DAB1: variants seen among roughly 807,000 people sequenced by gnomAD.
DAB1 encodes DAB adaptor protein 1.
A neutral mutation model predicts 64.6 loss-of-function variants in DAB1; 15 were observed. The observed-to-expected ratio is 0.23, with a 90% CI of 0.16 to 0.36. The LOEUF is 0.36. DAB1 is among the 10% of genes least tolerant of loss of function. The probability of loss-of-function intolerance (pLI) is 1.00; values close to 1 mark genes in which losing one functional copy is unlikely to be tolerated. For synonymous variants in DAB1, 235 were observed against 251.9 expected, an observed-to-expected ratio of 0.93 and a Z score of 0.64; for missense variants, 596 against 706.7, an observed-to-expected ratio of 0.84 and a Z score of 1.78.
intron 4 of DAB1, among the ~76,000 whole-genome samples, chr1:58,230,237 C>T (rs1373874358): frequency 6.6e-6 from 1 of 152,216 alleles, no homozygotes; most frequent in African/African-American, 2.4e-5. Flanking sequence ...TCCAATCCAT[C>T]CTCCTAAAGG....
chr1:57,048,176 G>C (rs987141653), intron 9 of DAB1, among the ~76,000 whole-genome samples: 1 of 152,146 alleles, frequency 6.6e-6, no homozygotes, highest in African/African-American at 2.4e-5. Flanking sequence ...GTAAGTAAGG[G>C]ATAAAAATTT....
chr1:57,756,649 G>A (rs910493181), intron 6 of DAB1, among the ~76,000 whole-genome samples: 2 of 151,734 alleles, frequency 1.3e-5, no homozygotes, highest in African/African-American at 4.8e-5. Flanking sequence ...GTCCAGTTAT[G>A]AGGCCACTTC....
At chr1:57,687,610 A>G (rs1054948270) in intron 6 of DAB1, among the ~76,000 whole-genome samples, 1 of 149,248 alleles carries the variant, frequency 6.7e-6, no homozygotes, top group South Asian at 2.1e-4. Context: ...AAAAAAAAAA[A>G]AAAAAAAAAG....
At position 58,124,609 on chromosome 1, in the gene DAB1, A is replaced by G. The variant is rs183653342; in HGVS notation, n.387+25902T>C. 2.6e-5 allele frequency among the ~76,000 whole-genome samples: 4 copies of G among 152,324 alleles called. No homozygotes were observed. The East Asian group carries it at 5.8e-4, about 22-fold the overall frequency. ...TGAAGGCCATCAGAGAAATGATTAA[A>G]TACTAGGATACATGATTTCTCTTAG... On this transcript the variant is annotated intron_variant and non_coding_transcript_variant, in intron 5 of 20. Transcript: ENST00000485760.
intron 7 of DAB1, among the ~76,000 whole-genome samples, chr1:57,512,357 G>C (rs1644415486): frequency 6.6e-6 from 1 of 152,180 alleles, no homozygotes; most frequent in Non-Finnish European, 1.5e-5. Flanking sequence ...CCACCAGTTT[G>C]TCTGAACACT....
At chr1:57,120,549 T>C (rs956856716) in intron 4 of DAB1, among the ~76,000 whole-genome samples, 3 of 152,172 alleles carry the variant, frequency 2.0e-5, no homozygotes, top group Non-Finnish European at 4.4e-5. Flanking sequence ...ATCACCACCA[T>C]CCATCCATTA....
chr1:57,810,333 G>A (rs1023383077), intron 6 of DAB1, among the ~76,000 whole-genome samples: 3 of 152,184 alleles, frequency 2.0e-5, no homozygotes, highest in Non-Finnish European at 4.4e-5. Flanking sequence ...GATGGAGGGA[G>A]AGAAGAGGAA....
chr1:57,207,466 T>C (rs113305171), intron 2 of DAB1, among the ~76,000 whole-genome samples: 2,565 of 116,796 alleles, frequency 0.022, 42 homozygotes, highest in Admixed American at 0.038. Context: ...TTTTTTGAGA[T>C]GGAGTCTCGC....
chr1:57,570,670 T>C (rs1382850447), intron 7 of DAB1, among the ~76,000 whole-genome samples: 1 of 152,144 alleles, frequency 6.6e-6, no homozygotes, highest in East Asian at 1.9e-4. Context: ...CTTTTTTAAT[T>C]CCATATGAAT....
chr1:58,392,349 C>A (rs925058397), intron 3 of DAB1, among the ~76,000 whole-genome samples: 9 of 152,182 alleles, frequency 5.9e-5, no homozygotes, highest in Non-Finnish European at 1.3e-4. Flanking sequence ...CTCTTTTGGT[C>A]TATCCTAACT....
chr1:57,732,686 G>A (rs546423898), intron 6 of DAB1, among the ~76,000 whole-genome samples: 21 of 152,286 alleles, frequency 1.4e-4, no homozygotes, highest in African/African-American at 5.1e-4. Context: ...TAGTGAGGAA[G>A]ACTTGTGAGA....
At chr1:57,168,951 G>A (rs1386691867) in intron 2 of DAB1, among the ~76,000 whole-genome samples, 1 of 152,166 alleles carries the variant, frequency 6.6e-6, no homozygotes, top group Non-Finnish European at 1.5e-5. Context: ...AGCTACTTAG[G>A]AGGCTGAGGC....
At chr1:57,121,571 A>G (rs1656668456) in intron 4 of DAB1, among the ~76,000 whole-genome samples, 1 of 152,088 alleles carries the variant, frequency 6.6e-6, no homozygotes, top group Non-Finnish European at 1.5e-5. Flanking sequence ...AAAAAGAAAA[A>G]GAAAAAAGAA....
intron 7 of DAB1, among the ~76,000 whole-genome samples, chr1:57,465,167 G>A (rs1176732550): frequency 2.0e-5 from 3 of 152,266 alleles, no homozygotes; most frequent in East Asian, 3.9e-4. Flanking sequence ...GGTTTTACAA[G>A]CAGATTAAAT....
At chr1:58,096,544 A>C (rs1650993458) in intron 5 of DAB1, among the ~76,000 whole-genome samples, 1 of 152,236 alleles carries the variant, frequency 6.6e-6, no homozygotes, top group South Asian at 2.1e-4. Context: ...AAAAGTAGTC[A>C]TTAAGACAAT....
intron 2 of DAB1, among the ~76,000 whole-genome samples, chr1:57,176,972 TA>T (rs11333170): frequency 0.072 from 5,313 of 73,870 alleles, 251 homozygotes; most frequent in Admixed American, 0.21. Flanking sequence ...GCAGCAGATA[TA>T]AAAAAAAAAA....
intron 5 of DAB1, among the ~76,000 whole-genome samples, chr1:58,094,382 G>C (rs1180699498): frequency 6.6e-6 from 1 of 152,232 alleles, no homozygotes; most frequent in East Asian, 1.9e-4. Flanking sequence ...ACTGAGCCAA[G>C]TTTGTAAGAT....
intron 2 of DAB1, among the ~76,000 whole-genome samples, chr1:57,288,566 G>C (rs548116106): frequency 2.0e-5 from 3 of 152,294 alleles, no homozygotes; most frequent in Non-Finnish European, 2.9e-5. Flanking sequence ...GCCAGGAAGA[G>C]AGCCCTCACC....
intron 1 of DAB1, among the ~76,000 whole-genome samples, chr1:57,838,321 A>G (rs2057225): frequency 0.11 from 16,114 of 152,292 alleles, 908 homozygotes; most frequent in Non-Finnish European, 0.13. Context: ...ATGGAAAAAA[A>G]TTCTTAAAGA....
Sources: gnomAD v4.1 joint callset for allele counts (sites outside exome capture counted in the v4.1 genomes callset) on GRCh38, gnomAD v4.1.1 for gene constraint, MANE v1.5 for transcripts, NCBI Gene and HGNC (gene_info 2026-07-23, HGNC 2026-07-21) for gene names.